AKT3: variants seen among roughly 807,000 people sequenced by gnomAD.
AKT3 encodes AKT serine/threonine kinase 3, also known as RAC-gamma serine/threonine-protein kinase.
A neutral mutation model predicts 65.3 loss-of-function variants in AKT3; 15 were observed. The observed-to-expected ratio is 0.23, with a 90% CI of 0.15 to 0.35. AKT3 has a LOEUF of 0.35. Among genes scored for constraint, AKT3 ranks in the 10% least tolerant of loss-of-function variants. The pLI, the probability that AKT3 is intolerant of heterozygous loss-of-function variation, is 1.00. For synonymous variants in AKT3, 206 were observed against 183.8 expected, an observed-to-expected ratio of 1.12 and a Z score of -0.98; for missense variants, 243 against 576.5, an observed-to-expected ratio of 0.42 and a Z score of 5.92.
intron 2 of AKT3, among the ~76,000 whole-genome samples, chr1:243,727,047 C>T (rs1345277626): frequency 6.6e-6 from 1 of 152,136 alleles, no homozygotes; most frequent in South Asian, 2.1e-4. Flanking sequence ...TCCTTCCATA[C>T]CCCCAGGTTA....
intron 2 of AKT3, among the ~76,000 whole-genome samples, chr1:243,743,636 C>A (rs895062982): frequency 4.6e-5 from 7 of 152,138 alleles, no homozygotes; most frequent in Non-Finnish European, 1.0e-4. Flanking sequence ...ATGCAAGTGT[C>A]ATAAAATTTT....
chr1:243,608,824 C>T (rs1677644775), intron 8 of AKT3, among the ~76,000 whole-genome samples: 1 of 129,834 alleles, frequency 7.7e-6, no homozygotes, highest in Non-Finnish European at 1.5e-5. Flanking sequence ...GTGATCTTGG[C>T]TCACTGCACC....
chr1:243,554,302 A>T (rs937796633), intron 10 of AKT3, among the ~76,000 whole-genome samples: 1 of 152,174 alleles, frequency 6.6e-6, no homozygotes, highest in Admixed American at 6.5e-5. Flanking sequence ...TGTTTGTTTT[A>T]CGGCTAAAAA....
chr1:243,754,662 T>G (rs753145523), intron 2 of AKT3, among the ~76,000 whole-genome samples: 1 of 152,184 alleles, frequency 6.6e-6, no homozygotes, highest in South Asian at 2.1e-4. Context: ...TATTGTGAAC[T>G]GTGCATGCGA....
At chr1:243,585,286 T>C (rs1209869055) in intron 8 of AKT3, among the ~76,000 whole-genome samples, 1 of 151,800 alleles carries the variant, frequency 6.6e-6, no homozygotes, top group East Asian at 1.9e-4. Flanking sequence ...GAAGAATCAA[T>C]ATCAGTAAAA....
At position 243,580,823 on chromosome 1, in the gene AKT3, C is replaced by A. The variant is rs1675285573; in HGVS notation, c.697-7775G>T. Among the ~76,000 whole-genome samples the A allele has an allele frequency of 2.6e-5, 4 of 152,130 alleles. No individual in the cohort carries two copies. The South Asian group carries it at 8.3e-4, about 32-fold the overall frequency. On this transcript the variant is annotated intron_variant, in intron 8 of 13. Transcript: ENST00000673466. ...AGCACATCTCTGGCATCCAGAGTAA[C>A]CATTTGCCTAGTTGAGTAGCCTGAG...
chr1:243,836,835 C>T lies in AKT3; in HGVS notation c.46+6290G>A, dbSNP rs186775597. On this transcript the variant is annotated intron_variant, in intron 2 of 13. Transcript: ENST00000673466. ...CTGAGGCAGGAGAATCAACTTGAAT[C>T]CAGGAGGCGGAGGTTGCAGTGAGCT... Among the ~76,000 whole-genome samples the T allele has an allele frequency of 3.0e-3, 456 of 151,394 alleles. 6 individuals are homozygous for T. Among genetic ancestry groups the T allele is most frequent in the Admixed American group, 8.8e-3 (133 of 15,196 alleles).
intron 8 of AKT3, among the ~76,000 whole-genome samples, chr1:243,592,529 T>G (rs1485285570): frequency 6.6e-6 from 1 of 152,098 alleles, no homozygotes; most frequent in Non-Finnish European, 1.5e-5. Flanking sequence ...AGAAACTGTA[T>G]AAGCCAGAAG....
intron 11 of AKT3, among the ~76,000 whole-genome samples, chr1:243,547,190 C>T (rs1279916773): frequency 6.6e-6 from 1 of 152,118 alleles, no homozygotes; most frequent in Non-Finnish European, 1.5e-5. Context: ...TAAGATGTCA[C>T]TGAACATGTA....
intron 2 of AKT3, among the ~76,000 whole-genome samples, chr1:243,720,477 T>G (rs1227800457): frequency 6.8e-6 from 1 of 146,966 alleles, no homozygotes; most frequent in Non-Finnish European, 1.5e-5. Flanking sequence ...TGAGCAAATG[T>G]CAAAATATAA....
intron 12 of AKT3, 97 bp downstream of exon 12, chr1:243,545,413 C>T (rs577367653): frequency 3.0e-6 from 2 of 674,108 alleles, no homozygotes; most frequent in Non-Finnish European, 2.5e-6. Flanking sequence ...AGTATCATTA[C>T]ATCATTAACT....
chr1:243,629,765 C>T (rs1454812452), intron 6 of AKT3, among the ~76,000 whole-genome samples: 1 of 152,136 alleles, frequency 6.6e-6, no homozygotes, highest in Non-Finnish European at 1.5e-5. Flanking sequence ...GCACTCCAGC[C>T]TGGGCGACTG....
intron 6 of AKT3, among the ~76,000 whole-genome samples, chr1:243,625,326 T>A (rs1462337179): frequency 6.6e-6 from 1 of 151,606 alleles, no homozygotes; most frequent in African/African-American, 2.4e-5. Context: ...GGAGACAGGG[T>A]TTCACCATGT....
intron 2 of AKT3, among the ~76,000 whole-genome samples, chr1:243,720,324 A>ATAAAAATGGT (rs892516544): frequency 2.0e-5 from 3 of 151,980 alleles, no homozygotes; most frequent in Non-Finnish European, 4.4e-5. Context: ...TAAAATAAAA[A>ATAAAAATGGT]TAAAAATGGT....
At position 243,503,227 on chromosome 1, in the gene AKT3, T is replaced by C. The variant is rs1669437962; in HGVS notation, c.*2022A>G. ...GAAAAAGAAGGATAACGTTGATGTCTGAATATGTCTTAGCTGCCTTAGTAA... is the reference window on the plus strand; with the variant it reads ...GAAAAAGAAGGATAACGTTGATGTCCGAATATGTCTTAGCTGCCTTAGTAA... On this transcript the variant is annotated 3_prime_UTR_variant, in exon 14 of 14. Transcript: ENST00000673466. The C allele has an allele frequency of 4.3e-6, 1 of 233,740 alleles. No individual in the cohort carries two copies. Among genetic ancestry groups the C allele is most frequent in the East Asian group, 6.0e-5 (1 of 16,590 alleles). 14.5% of individuals were successfully genotyped at this position (233,740 alleles called of 1,614,324 possible). A position where few individuals can be genotyped will look rare whatever the true frequency, so the allele number is the denominator to read the frequency against.
In AKT3 at chr1:243,721,625, C is replaced by T. The variant is rs537967361; in HGVS notation, c.47-25909G>A. Among the ~76,000 whole-genome samples, 193 of 152,078 alleles carry T rather than the reference C, an allele frequency of 1.3e-3. No homozygotes were observed. In the Middle Eastern group the frequency reaches 0.014, roughly 11 times the overall value. On this transcript the variant is annotated intron_variant, in intron 2 of 13. Coordinates refer to ENST00000673466, the MANE Select transcript of AKT3 (RefSeq NM_005465.7). Reference sequence around the variant, plus strand: ...CATTCCCTTTCCACTACTATACTACCAAATATAAACTAGTAGTACCCTTAT... The same window carrying T: ...CATTCCCTTTCCACTACTATACTACTAAATATAAACTAGTAGTACCCTTAT...
rs536941252 is a variant in AKT3 at position 243,635,686 on chromosome 1, T to C, written c.561+1925A>G. 1.5e-3 allele frequency among the ~76,000 whole-genome samples: 226 copies of C among 152,144 alleles called. 1 individual carries two copies. Among genetic ancestry groups the C allele is most frequent in the African/African-American group, 5.3e-3 (219 of 41,552 alleles). On this transcript the variant is annotated intron_variant, in intron 6 of 13. Transcript: ENST00000673466. ...TCCCAGAGTATTTCCTCTAAGATAC[T>C]GATTACTTATGAATGGAAAAAATAG...
intron 8 of AKT3, among the ~76,000 whole-genome samples, chr1:243,598,089 A>G (rs1240267666): frequency 6.6e-6 from 1 of 152,210 alleles, no homozygotes; most frequent in Admixed American, 6.5e-5. Context: ...AAATGAGAAA[A>G]TTATGACAGT....
At chr1:243,753,484 T>C (rs906194889) in intron 2 of AKT3, among the ~76,000 whole-genome samples, 2 of 152,148 alleles carry the variant, frequency 1.3e-5, no homozygotes, top group Non-Finnish European at 2.9e-5. Context: ...AAGCCAACAA[T>C]GTCCCCTTAG....
Sources: gnomAD v4.1 joint callset for allele counts (sites outside exome capture counted in the v4.1 genomes callset) on GRCh38, gnomAD v4.1.1 for gene constraint, MANE v1.5 for transcripts, NCBI Gene and HGNC (gene_info 2026-07-23, HGNC 2026-07-21) for gene names.